Variants in ATRNL1 observed in about 807,000 individuals in gnomAD.
The protein encoded by ATRNL1 is attractin-like protein 1.
Under a neutral mutation model 182.7 loss-of-function variants are expected in ATRNL1, and 95 were observed. The ratio of observed to expected loss-of-function variants is 0.52; its 90% confidence interval spans 0.44 to 0.62. The LOEUF (loss-of-function observed/expected upper bound fraction) is 0.62. Ranked by LOEUF, ATRNL1 falls within the 20% of genes least tolerant of loss-of-function variation. The pLI is 0.00. For missense variants in ATRNL1, 1,471 were observed against 1,679.5 expected (o/e 0.88, Z 2.17); for synonymous variants, 576 against 568.3 (o/e 1.01, Z -0.19).
chr10:115,252,776 A>C (rs1460068969), intron 10 of ATRNL1, among the ~76,000 whole-genome samples: 1 of 152,072 alleles, frequency 6.6e-6, no homozygotes, highest in Non-Finnish European at 1.5e-5. Context: ...CTTTTTCTAG[A>C]GCTCACTGGG....
intron 28 of ATRNL1, among the ~76,000 whole-genome samples, chr10:115,873,865 A>G (rs1490971294): frequency 6.6e-6 from 1 of 152,202 alleles, no homozygotes; most frequent in African/African-American, 2.4e-5. Context: ...GAGAAATGAT[A>G]TTGAGAATTC....
chr10:115,680,171 C>T (rs200247997), intron 26 of ATRNL1, among the ~76,000 whole-genome samples: 1 of 152,080 alleles, frequency 6.6e-6, no homozygotes, highest in East Asian at 1.9e-4. Flanking sequence ...TCTAGATAGG[C>T]TTTGTTATGC....
chr10:115,199,893 G>A (rs1468775021), intron 8 of ATRNL1, among the ~76,000 whole-genome samples: 2 of 152,180 alleles, frequency 1.3e-5, no homozygotes, highest in Non-Finnish European at 2.9e-5. Flanking sequence ...AAAGCAAAGA[G>A]ACATCTAGAA....
At chr10:115,892,039 A>G (rs1952091737) in intron 28 of ATRNL1, among the ~76,000 whole-genome samples, 1 of 152,186 alleles carries the variant, frequency 6.6e-6, no homozygotes, top group Admixed American at 6.5e-5. Context: ...ATTAAGGTGA[A>G]TACGGACAAG....
chr10:115,365,877 T>G (rs1295028531), intron 19 of ATRNL1, among the ~76,000 whole-genome samples: 1 of 152,156 alleles, frequency 6.6e-6, no homozygotes, highest in Non-Finnish European at 1.5e-5. Context: ...TGCACTGTGG[T>G]CTGAGAGATA....
At chr10:115,307,372 C>T (rs1233045044) in intron 17 of ATRNL1, among the ~76,000 whole-genome samples, 3 of 152,152 alleles carry the variant, frequency 2.0e-5, no homozygotes, top group African/African-American at 7.2e-5. Flanking sequence ...AAGCAATTCT[C>T]CTGCTGCAGC....
At chr10:115,426,102 T>G in intron 20 of ATRNL1, 148 bp from the exon 21 acceptor site, 1 of 551,250 alleles carries the variant, frequency 1.8e-6, no homozygotes, top group East Asian at 3.0e-5. Context: ...CAAACACATC[T>G]TTCAAAGATG....
intron 27 of ATRNL1, among the ~76,000 whole-genome samples, chr10:115,780,739 G>C (rs1593206757): frequency 6.6e-6 from 1 of 152,140 alleles, no homozygotes; most frequent in South Asian, 2.1e-4. Context: ...TGAAAGGAAG[G>C]ATCCAGGCCA....
intron 26 of ATRNL1, among the ~76,000 whole-genome samples, chr10:115,640,073 TCCAGCTTCATCCATGTCCCTGC>T (rs1859141786): frequency 1.3e-5 from 2 of 152,144 alleles, no homozygotes; most frequent in Non-Finnish European, 2.9e-5. Flanking sequence ...AATGATGGTT[TCCAGCTTCATCCATGTCCCTGC>T]CAAGGACATG....
At chr10:115,264,317 A>C (rs1851517858) in intron 10 of ATRNL1, among the ~76,000 whole-genome samples, 1 of 151,620 alleles carries the variant, frequency 6.6e-6, no homozygotes, top group South Asian at 2.1e-4. Flanking sequence ...CATTACTTTA[A>C]CTTTTACAAC....
At chr10:115,225,475 T>TTAATA (rs140867376) in intron 9 of ATRNL1, among the ~76,000 whole-genome samples, 15,045 of 143,336 alleles carry the variant, frequency 0.1, 789 homozygotes, top group African/African-American at 0.12. Context: ...ATAAGGCAGA[T>TTAATA]TAATATAATA....
At chr10:115,713,840 G>A (rs2804157) in intron 26 of ATRNL1, among the ~76,000 whole-genome samples, 2 of 151,814 alleles carry the variant, frequency 1.3e-5, no homozygotes, top group Admixed American at 6.6e-5. Context: ...ACACAGATAC[G>A]TTTCTCAGTT....
At chr10:115,797,966 G>A (rs1949696396) in intron 27 of ATRNL1, among the ~76,000 whole-genome samples, 1 of 152,072 alleles carries the variant, frequency 6.6e-6, no homozygotes. Context: ...TGCCCAGGCT[G>A]CAGTGCAGTG....
intron 19 of ATRNL1, among the ~76,000 whole-genome samples, chr10:115,393,600 T>C (rs1844141055): frequency 6.6e-6 from 1 of 152,126 alleles, no homozygotes; most frequent in Admixed American, 6.6e-5. Flanking sequence ...ACCATCAGCC[T>C]TGTCTGTTTA....
chr10:115,917,486 G>GAAAGA (rs11437929), intron 28 of ATRNL1, among the ~76,000 whole-genome samples: 11 of 131,304 alleles, frequency 8.4e-5, no homozygotes, highest in Non-Finnish European at 1.2e-4. Flanking sequence ...AAAAAAAAAA[G>GAAAGA]AAAAAAAAAA....
chr10:115,314,927 C>T (rs1854219717), intron 17 of ATRNL1, among the ~76,000 whole-genome samples: 1 of 152,086 alleles, frequency 6.6e-6, no homozygotes, highest in South Asian at 2.1e-4. Flanking sequence ...AAGGAGAGTA[C>T]CAGGTTTTCA....
intron 17 of ATRNL1, among the ~76,000 whole-genome samples, chr10:115,303,294 A>C (rs1853575546): frequency 7.1e-6 from 1 of 141,482 alleles, no homozygotes; most frequent in South Asian, 2.2e-4. Flanking sequence ...GCCTAATTTC[A>C]GCTCACTGCA....
chr10:115,410,294 A>G (rs562072015), intron 20 of ATRNL1, among the ~76,000 whole-genome samples: 14 of 150,456 alleles, frequency 9.3e-5, no homozygotes, highest in Non-Finnish European at 1.9e-4. Flanking sequence ...TGGAGATTTC[A>G]GAAAGTTTAG....
intron 28 of ATRNL1, among the ~76,000 whole-genome samples, chr10:115,896,019 G>T (rs1173174787): frequency 4.6e-5 from 7 of 152,152 alleles, no homozygotes; most frequent in Admixed American, 1.3e-4. Context: ...GAGAGAAGGG[G>T]ATGTGTACAA....
Sources: gnomAD v4.1 joint callset for allele counts (sites outside exome capture counted in the v4.1 genomes callset) on GRCh38, gnomAD v4.1.1 for gene constraint, MANE v1.5 for transcripts, NCBI Gene and HGNC (gene_info 2026-07-23, HGNC 2026-07-21) for gene names.